Variants in CPO observed in about 807,000 individuals in gnomAD.
CPO encodes carboxypeptidase O.
CPO carries 43 observed loss-of-function variants against 41.2 expected under a neutral mutation model. The observed-to-expected ratio is 1.04, with a 90% CI of 0.82 to 1.35. CPO has a LOEUF of 1.35. Among genes scored for constraint, CPO ranks in the 40% most tolerant of loss-of-function variants. The probability of loss-of-function intolerance (pLI) is 0.00; values close to 1 mark genes in which losing one functional copy is unlikely to be tolerated. For synonymous variants in CPO, 178 were observed against 162.7 expected (o/e 1.09, Z -0.72); for missense variants, 408 against 451.7 (o/e 0.90, Z 0.88).
At chr2:206,946,432 C>T (rs531483450) in intron 1 of CPO, among the ~76,000 whole-genome samples, 5 of 152,132 alleles carry the variant, frequency 3.3e-5, no homozygotes, top group Admixed American at 3.3e-4. Flanking sequence ...ATCTAACACA[C>T]ATTTGTGATT....
chr2:206,958,765 G>A (rs1343247373), intron 4 of CPO, among the ~76,000 whole-genome samples: 1 of 95,350 alleles, frequency 1.0e-5, no homozygotes, highest in Non-Finnish European at 2.0e-5. Context: ...TTTTAAGACA[G>A]AGTTTTGCTC....
intron 4 of CPO, 41 bp downstream of exon 4, chr2:206,958,446 A>G (rs1317383694): frequency 4.6e-6 from 5 of 1,097,558 alleles, no homozygotes; most frequent in African/African-American, 1.6e-5. Context: ...AATCACCCCC[A>G]TAAAATATCT....
chr2:206,948,977 G>A (rs1405660485), intron 1 of CPO, among the ~76,000 whole-genome samples: 2 of 151,920 alleles, frequency 1.3e-5, no homozygotes, highest in Non-Finnish European at 2.9e-5. Context: ...GAGAATAGCA[G>A]GTAAATGGGA....
intron 7 of CPO, among the ~76,000 whole-genome samples, chr2:206,966,117 C>T (rs1693570762): frequency 6.6e-6 from 1 of 151,520 alleles, no homozygotes; most frequent in African/African-American, 2.4e-5. Flanking sequence ...GAAGGGTAAA[C>T]TGGAAAGACT....
Position 206,939,647 on chromosome 2 carries a change from T to G in CPO, c.48T>G (p.Pro16=). ...ETLYLLGMLV[P]GGLGYDRSLA... is the part of the protein sequence containing the mutation. ...TTTATCTTTTGGGGATGCTGGTTCC[T>G]GGAGGGCTGGGATATGATAGGTGAG... The change falls in exon 1 of 9, where the codon CCT becomes CCG. Residue 16 remains proline (P), a synonymous_variant. Coordinates refer to ENST00000272852, the MANE Select transcript of CPO (RefSeq NM_173077.3). 6.2e-7 allele frequency: 1 copy of G among 1,611,100 alleles called. No individual in the cohort carries two copies. Among genetic ancestry groups the G allele is most frequent in the Non-Finnish European group, 8.5e-7 (1 of 1,177,786 alleles).
At chr2:206,949,540 C>T (rs974984107) in intron 1 of CPO, 77 bp from the exon 2 acceptor site, 3 of 1,040,416 alleles carry the variant, frequency 2.9e-6, no homozygotes, top group African/African-American at 3.1e-5. Context: ...ATTCTACTAC[C>T]TTTTTCAACA....
intron 1 of CPO, among the ~76,000 whole-genome samples, chr2:206,939,873 A>T (rs1692997659): frequency 6.6e-6 from 1 of 152,154 alleles, no homozygotes; most frequent in Non-Finnish European, 1.5e-5. Context: ...ATAAATATCT[A>T]GCAAACATTT....
At chr2:206,968,770 C>A (rs963389500) in intron 8 of CPO, among the ~76,000 whole-genome samples, 1 of 152,180 alleles carries the variant, frequency 6.6e-6, no homozygotes, top group Non-Finnish European at 1.5e-5. Flanking sequence ...TTCTCCCAAC[C>A]CCAATCTCCA....
intron 7 of CPO, among the ~76,000 whole-genome samples, chr2:206,967,344 T>TATATATAG (rs1183393009): frequency 1.3e-5 from 1 of 76,780 alleles, no homozygotes; most frequent in East Asian, 3.3e-4. Flanking sequence ...TATATATATA[T>TATATATAG]ATATATAGAT....
chr2:206,959,745 A>T lies in CPO; in HGVS notation c.483+4A>T, dbSNP rs1187748902. 23 of 1,288,206 alleles carry T rather than the reference A, an allele frequency of 1.8e-5. No homozygotes were observed. Among genetic ancestry groups the T allele is most frequent in the Non-Finnish European group, 2.6e-5 (23 of 884,316 alleles). 79.8% of individuals were successfully genotyped at this position (1,288,206 alleles called of 1,614,324 possible). Reference sequence around the variant, plus strand: ...TTATATCTACACTTGGACAACTGTGAGTACACCATGTTTGGTCCTGGGATG... The same window carrying T: ...TTATATCTACACTTGGACAACTGTGTGTACACCATGTTTGGTCCTGGGATG... On this transcript the variant is annotated splice_donor_region_variant and intron_variant, in intron 5 of 8. Coordinates refer to ENST00000272852, the MANE Select transcript of CPO (RefSeq NM_173077.3).
chr2:206,942,041 T>C (rs1303214118), intron 1 of CPO, among the ~76,000 whole-genome samples: 1 of 152,068 alleles, frequency 6.6e-6, no homozygotes, highest in Non-Finnish European at 1.5e-5. Context: ...TAGAATTATT[T>C]ATAATAGTAT....
At chr2:206,956,467 C>T (rs1364768908) in intron 3 of CPO, among the ~76,000 whole-genome samples, 1 of 152,138 alleles carries the variant, frequency 6.6e-6, no homozygotes, top group African/African-American at 2.4e-5. Context: ...CAAATGCACA[C>T]TCTCAGGTCC....
intron 1 of CPO, among the ~76,000 whole-genome samples, chr2:206,947,477 T>A (rs986730489): frequency 6.6e-6 from 1 of 152,154 alleles, no homozygotes; most frequent in African/African-American, 2.4e-5. Context: ...AAAACCTAGA[T>A]GACTATGGGT....
At chr2:206,955,694 A>G in intron 3 of CPO, 130 bp downstream of exon 3, 1 of 651,660 alleles carries the variant, frequency 1.5e-6, no homozygotes, top group Non-Finnish European at 2.8e-6. Context: ...TTCCACCCCA[A>G]ATGGGGCTCT....
rs753097002 is a variant in CPO at position 206,939,653 on chromosome 2, G to T, written c.54G>T (p.Gly18=). ...LYLLGMLVPG[G]LGYDRSLAQH... is the part of the protein sequence containing the mutation. ...TTTTGGGGATGCTGGTTCCTGGAGG[G>T]CTGGGATATGATAGGTGAGTGTAAA... The change falls in exon 1 of 9, where the codon GGG becomes GGT. Residue 18 remains glycine (G), a synonymous_variant. Transcript: ENST00000272852. The T allele has an allele frequency of 3.7e-6, 6 of 1,610,734 alleles. No homozygotes were observed. Among genetic ancestry groups the T allele is most frequent in the African/African-American group, 1.3e-5 (1 of 74,738 alleles).
rs752037970 is a variant in CPO at position 206,962,487 on chromosome 2, C to T, written c.650C>T (p.Ala217Val). Reference protein sequence around the residue: ...TGPVSEPETKAVASFIESKKD... With the variant: ...TGPVSEPETKVVASFIESKKD... ...CCAGTGTCTGAACCAGAGACTAAAG[C>T]TGTTGCCAGCTTCATAGAGAGCAAG... The change falls in exon 7 of 9, where the codon GCT becomes GTT. Residue 217 changes from alanine (A) to valine (V), a missense_variant. By Grantham distance (64) the Ala-to-Val change is moderately conservative. Transcript: ENST00000272852. 1 of 1,614,156 alleles carries T rather than the reference C, an allele frequency of 6.2e-7. No individual in the cohort carries two copies. Among genetic ancestry groups the T allele is most frequent in the South Asian group, 1.1e-5 (1 of 91,082 alleles).
intron 1 of CPO, among the ~76,000 whole-genome samples, chr2:206,948,673 G>T (rs1035646647): frequency 2.6e-5 from 4 of 152,096 alleles, no homozygotes; most frequent in African/African-American, 9.7e-5. Context: ...GAAGTAGGAG[G>T]ATATTCTGAG....
At position 206,968,316 on chromosome 2, in the gene CPO, T is replaced by A; in HGVS notation, c.831T>A (p.Asn277Lys). 6.2e-7 allele frequency: 1 copy of A among 1,611,366 alleles called. No homozygotes were observed. Among genetic ancestry groups the A allele is most frequent in the African/African-American group, 1.3e-5 (1 of 74,986 alleles). The change falls in exon 8 of 9, where the codon AAT becomes AAA. Residue 277 changes from asparagine to lysine, a missense_variant. Coordinates refer to ENST00000272852, the MANE Select transcript of CPO (RefSeq NM_173077.3). ...CATTGAAAGCAAAGTATGGAACCAATTATAGAGTTGGATCGAGTGCAGATA... is the reference window on the plus strand; with the variant it reads ...CATTGAAAGCAAAGTATGGAACCAAATATAGAGTTGGATCGAGTGCAGATA... ...ANALKAKYGT[N>K]YRVGSSADIL...
chr2:206,952,988 C>T (rs35041776), intron 2 of CPO, among the ~76,000 whole-genome samples: 4,822 of 152,240 alleles, frequency 0.032, 108 homozygotes, highest in Non-Finnish European at 0.049. Flanking sequence ...TTCACTATCA[C>T]GAGAACAGCT....
Sources: gnomAD v4.1 joint callset for allele counts (sites outside exome capture counted in the v4.1 genomes callset) on GRCh38, gnomAD v4.1.1 for gene constraint, MANE v1.5 for transcripts, NCBI Gene and HGNC (gene_info 2026-07-23, HGNC 2026-07-21) for gene names.